The following NPLOC4 variants were observed in gnomAD, a reference collection of about 807,000 sequenced individuals.
The protein encoded by NPLOC4 is NPL4 homolog, ubiquitin recognition factor.
A neutral mutation model predicts 80.6 loss-of-function variants in NPLOC4; 18 were observed. The ratio of observed to expected loss-of-function variants is 0.22; its 90% CI spans 0.15 to 0.33. The LOEUF (loss-of-function observed/expected upper bound fraction) is 0.33, where lower values mean the gene tolerates loss of function less well. Among genes scored for constraint, NPLOC4 ranks in the 10% least tolerant of loss-of-function variants. NPLOC4 has a pLI of 1.00. For missense variants in NPLOC4, 540 were observed against 786.1 expected (o/e 0.69, Z 3.74); for synonymous variants, 313 against 301.5 (o/e 1.04, Z -0.39).
At chr17:81,617,379 GA>G (rs922481690) in intron 3 of NPLOC4, among the ~76,000 whole-genome samples, 1 of 152,062 alleles carries the variant, frequency 6.6e-6, no homozygotes, top group Non-Finnish European at 1.5e-5. Flanking sequence ...TGTCTCTAAA[GA>G]AAAAAAGAGG....
At chr17:81,615,265 A>T (rs1368459809) in intron 3 of NPLOC4, among the ~76,000 whole-genome samples, 1 of 151,606 alleles carries the variant, frequency 6.6e-6, no homozygotes, top group African/African-American at 2.4e-5. Flanking sequence ...ACGCCCAGAT[A>T]CTTTTTGTAT....
chr17:81,573,792 C>CT lies in NPLOC4; in HGVS notation c.1282-1705dup, dbSNP rs1347790900. Among the ~76,000 whole-genome samples, 7 of 152,322 alleles carry CT rather than the reference C, an allele frequency of 4.6e-5. No individual in the cohort carries two copies. The East Asian group carries it at 1.3e-3, about 29-fold the overall frequency. ...GAGGGCAGGAGAATGAACCTGGACT[C>CT]TATTTCCATTTCACGTATTGCTCCC... On this transcript the variant is annotated intron_variant, in intron 12 of 16. Coordinates refer to ENST00000331134, the MANE Select transcript of NPLOC4 (RefSeq NM_017921.4).
At chr17:81,591,138 T>A (rs532207683) in intron 11 of NPLOC4, among the ~76,000 whole-genome samples, 70 of 152,180 alleles carry the variant, frequency 4.6e-4, no homozygotes, top group African/African-American at 1.5e-3. Context: ...TAGGACACCA[T>A]GAAAACCTGG....
intron 9 of NPLOC4, among the ~76,000 whole-genome samples, 160 bp from the exon 10 acceptor site, chr17:81,597,476 C>T (rs1272624067): frequency 6.6e-6 from 1 of 152,046 alleles, no homozygotes; most frequent in Non-Finnish European, 1.5e-5. Context: ...CAGTGAAACC[C>T]CATCTCTACT....
At chr17:81,616,527 G>A (rs1380726238) in intron 3 of NPLOC4, among the ~76,000 whole-genome samples, 1 of 151,694 alleles carries the variant, frequency 6.6e-6, no homozygotes, top group Admixed American at 6.6e-5. Context: ...TCAGGAGATT[G>A]AGACGATCCT....
chr17:81,581,911 G>A (rs1438250213), intron 12 of NPLOC4, among the ~76,000 whole-genome samples: 1 of 152,202 alleles, frequency 6.6e-6, no homozygotes, highest in Non-Finnish European at 1.5e-5. Flanking sequence ...AGAGCTAGTA[G>A]CCTCGCTATG....
intron 8 of NPLOC4, among the ~76,000 whole-genome samples, chr17:81,604,035 T>C (rs912290071): frequency 1.3e-5 from 2 of 152,148 alleles, no homozygotes; most frequent in African/African-American, 2.4e-5. Flanking sequence ...TGACTAGATG[T>C]GCACACACCC....
At chr17:81,609,890 G>A (rs562089363) in intron 5 of NPLOC4, among the ~76,000 whole-genome samples, 1 of 152,186 alleles carries the variant, frequency 6.6e-6, no homozygotes, top group Admixed American at 6.5e-5. Context: ...ACAATGATAA[G>A]CACGGAGGCC....
intron 12 of NPLOC4, among the ~76,000 whole-genome samples, chr17:81,575,168 C>T (rs966655859): frequency 4.6e-5 from 7 of 152,140 alleles, no homozygotes; most frequent in African/African-American, 7.2e-5. Flanking sequence ...GGCGCGGTCT[C>T]GGCTCACTGC....
intron 2 of NPLOC4, among the ~76,000 whole-genome samples, chr17:81,627,860 C>T (rs1283861847): frequency 6.6e-6 from 1 of 151,990 alleles, no homozygotes; most frequent in African/African-American, 2.4e-5. Flanking sequence ...TGCTGGAACC[C>T]AGGAGGCGGA....
At chr17:81,602,338 G>A (rs1444300133) in intron 8 of NPLOC4, among the ~76,000 whole-genome samples, 3 of 152,062 alleles carry the variant, frequency 2.0e-5, no homozygotes, top group Non-Finnish European at 4.4e-5. Flanking sequence ...CTTGAGGCCA[G>A]GAGTTTGAGA....
chr17:81,631,444 T>A (rs1233798840), intron 1 of NPLOC4, among the ~76,000 whole-genome samples: 11,994 of 40,018 alleles, frequency 0.3, 1,070 homozygotes, highest in African/African-American at 0.47. Flanking sequence ...ATATTTTTTT[T>A]TTTTTTTTTT....
At chr17:81,587,291 T>C (rs182643475) in intron 12 of NPLOC4, among the ~76,000 whole-genome samples, 26 of 151,852 alleles carry the variant, frequency 1.7e-4, no homozygotes, top group African/African-American at 3.1e-4. Flanking sequence ...CTGGCCAACA[T>C]AGTGACACCC....
In NPLOC4 at chr17:81,586,129, G is replaced by C. The variant is rs2034576771; in HGVS notation, c.1281+2815C>G. Among the ~76,000 whole-genome samples, 3 of 152,102 alleles carry C rather than the reference G, an allele frequency of 2.0e-5. No homozygotes were observed. In the South Asian group the frequency reaches 6.2e-4, roughly 32 times the overall value. On this transcript the variant is annotated intron_variant, in intron 12 of 16. Transcript: ENST00000331134. The stretch of plus-strand genomic sequence containing the variant: ...GTAGGAGGGAGGAAGGGGAGGCAGG[G>C]GCCTGAATCCAAACCAGATAAGAAG...
Position 81,579,751 on chromosome 17 carries a change from C to T in NPLOC4, c.1282-7663G>A, listed in dbSNP as rs1042962347. ...CATGCCCATGTCAGTATTTCCCTTA[C>T]GTTAATAAAAACCCAAACAAGAAAA... On this transcript the variant is annotated intron_variant, in intron 12 of 16. Coordinates refer to ENST00000331134, the MANE Select transcript of NPLOC4 (RefSeq NM_017921.4). 6.6e-5 allele frequency among the ~76,000 whole-genome samples: 10 copies of T among 152,186 alleles called. No homozygotes were observed. The South Asian group carries it at 8.3e-4, about 13-fold the overall frequency.
At position 81,597,316 on chromosome 17, in the gene NPLOC4, C is replaced by T. The variant is rs2034936267; in HGVS notation, c.922G>A (p.Val308Ile). 2.5e-6 allele frequency: 4 copies of T among 1,612,816 alleles called. No individual in the cohort carries two copies. In the South Asian group the frequency reaches 3.3e-5, roughly 13 times the overall value. ...EIAAKLGLRK[V>I]GWIFTDLVSE... ...ACGAGGTCTGTAAATATCCAGCCAACCTTAAAAAAAGGAAAGTAGCTTTTA... is the reference window on the plus strand; with the variant it reads ...ACGAGGTCTGTAAATATCCAGCCAATCTTAAAAAAAGGAAAGTAGCTTTTA... The change falls in exon 10 of 17, where the codon GTT becomes ATT. Residue 308 changes from valine to isoleucine, a missense_variant and splice_region_variant. This residue lies in a region of NPLOC4 where 251 missense variants were observed against 377.5 expected (regional missense o/e 0.66). Coordinates refer to ENST00000331134, the MANE Select transcript of NPLOC4 (RefSeq NM_017921.4).
At chr17:81,571,819 C>T (rs1398382547) in intron 13 of NPLOC4, among the ~76,000 whole-genome samples, 198 bp downstream of exon 13, 2 of 152,170 alleles carry the variant, frequency 1.3e-5, no homozygotes, top group African/African-American at 4.8e-5. Context: ...GCCCTTAAAA[C>T]TGTGAGCATT....
In NPLOC4 at chr17:81,580,926, C is replaced by T. The variant is rs2034422090; in HGVS notation, c.1281+8018G>A. Among the ~76,000 whole-genome samples, 1 of 152,300 alleles carries T rather than the reference C, an allele frequency of 6.6e-6. No homozygotes were observed. The highest frequency in any genetic ancestry group is 1.5e-5 in the Non-Finnish European group (1 of 68,020). ...GGGCCCAGGGCCAGCCTCCCATGCC[C>T]ACAGCTGGGGGCCTGGGAGAGACAT... is the stretch of plus-strand genomic sequence containing the variant. On this transcript the variant is annotated intron_variant, in intron 12 of 16. Coordinates refer to ENST00000331134, the MANE Select transcript of NPLOC4 (RefSeq NM_017921.4). The surrounding 1 kb of genome is among the most constrained non-coding windows in gnomAD (Gnocchi z 4.4).
intron 12 of NPLOC4, among the ~76,000 whole-genome samples, chr17:81,574,725 G>A (rs1172507739): frequency 1.3e-5 from 2 of 152,140 alleles, no homozygotes; most frequent in African/African-American, 4.8e-5. Flanking sequence ...CAAAAGCAAT[G>A]GGGATGCCCA....
Sources: allele counts gnomAD v4.1 joint callset (sites outside exome capture counted in the v4.1 genomes callset), GRCh38; gene constraint gnomAD v4.1.1; regional missense constraint gnomAD v4.1.1; non-coding constraint Gnocchi (gnomAD v3.1); transcripts MANE v1.5; gene names NCBI Gene and HGNC (gene_info 2026-07-23, HGNC 2026-07-21).